Variants in CDC42BPB observed in about 807,000 individuals in gnomAD.
CDC42BPB encodes the protein CDC42 binding protein kinase beta, also known as serine/threonine-protein kinase MRCK beta.
A neutral mutation model predicts 214.9 loss-of-function variants in CDC42BPB; 37 were observed. The observed-to-expected ratio is 0.17, with a 90% CI of 0.13 to 0.23. The LOEUF (loss-of-function observed/expected upper bound fraction) is 0.23, where lower values mean the gene tolerates loss of function less well. CDC42BPB is among the 10% of genes least tolerant of loss of function. The pLI is 1.00. For missense variants in CDC42BPB, 1,694 were observed against 2,227.0 expected (o/e 0.76, Z 4.82); for synonymous variants, 931 against 884.0 (o/e 1.05, Z -0.94).
chr14:102,964,371 T>TCCTAAGGCTCCA (rs1420338012), intron 19 of CDC42BPB, 131 bp downstream of exon 19: 3 of 1,085,908 alleles, frequency 2.8e-6, no homozygotes, highest in Non-Finnish European at 3.9e-6. Context: ...ACGTGCTGCC[T>TCCTAAGGCTCCA]CCTAAGGCTC....
At chr14:102,946,946 G>T in intron 27 of CDC42BPB, 1 of 647,780 alleles carries the variant, frequency 1.5e-6, no homozygotes, top group Non-Finnish European at 1.9e-6. Context: ...AAAACTACGA[G>T]TAGCTGCCTA....
chr14:102,953,809 C>T (rs1892595682), intron 23 of CDC42BPB, among the ~76,000 whole-genome samples: 2 of 152,220 alleles, frequency 1.3e-5, no homozygotes, highest in African/African-American at 4.8e-5. Flanking sequence ...GAGTCATTCT[C>T]ACCCACCAGC....
At chr14:103,029,108 T>G (rs551835512) in intron 1 of CDC42BPB, among the ~76,000 whole-genome samples, 33 of 152,328 alleles carry the variant, frequency 2.2e-4, no homozygotes, top group African/African-American at 7.7e-4. Flanking sequence ...TATGGGAAAT[T>G]TTCTCTTATC....
At chr14:102,940,182 C>G (rs1891827556) in intron 31 of CDC42BPB, 45 bp downstream of exon 31, 2 of 1,612,984 alleles carry the variant, frequency 1.2e-6, no homozygotes, top group Non-Finnish European at 1.7e-6. Context: ...ACAGACTGCA[C>G]CGGGAGAAGC....
Position 102,944,891 on chromosome 14 carries a change from G to C in CDC42BPB, c.3812-404C>G, listed in dbSNP as rs1892081112. On this transcript the variant is annotated intron_variant, in intron 29 of 36. Transcript: ENST00000361246. The surrounding 1 kb of genome is among the most constrained non-coding windows in gnomAD (Gnocchi z 6.6). The stretch of plus-strand genomic sequence containing the variant: ...CAGAGGGCCCTCACGCTGCACATGA[G>C]GGACAAAGAGCTGTCCCCAACCCAC... Among the ~76,000 whole-genome samples the C allele has an allele frequency of 6.6e-6, 1 of 152,176 alleles. No individual in the cohort carries two copies. The highest frequency in any genetic ancestry group is 1.5e-5 in the Non-Finnish European group (1 of 68,014).
intron 11 of CDC42BPB, 45 bp from the exon 12 acceptor site, chr14:102,974,194 C>G: frequency 6.2e-7 from 1 of 1,601,772 alleles, no homozygotes; most frequent in Non-Finnish European, 8.5e-7. Flanking sequence ...TGTGCAATGA[C>G]TATATGTAAA....
At chr14:103,019,712 A>G (rs754680970) in intron 1 of CDC42BPB, among the ~76,000 whole-genome samples, 1 of 152,072 alleles carries the variant, frequency 6.6e-6, no homozygotes, top group Non-Finnish European at 1.5e-5. Flanking sequence ...TTTAGCCTTT[A>G]GACAGCTTAA....
intron 34 of CDC42BPB, among the ~76,000 whole-genome samples, 172 bp downstream of exon 34, chr14:102,939,438 G>A (rs1379830416): frequency 6.6e-6 from 1 of 152,236 alleles, no homozygotes; most frequent in African/African-American, 2.4e-5. Flanking sequence ...CAGGGTAAGT[G>A]CTCGTGAACA....
chr14:102,978,263 G>T, intron 8 of CDC42BPB, 58 bp from the exon 9 acceptor site: 1 of 1,603,628 alleles, frequency 6.2e-7, no homozygotes, highest in South Asian at 1.1e-5. Flanking sequence ...CAGGTAAAAA[G>T]AGGAAAGATG....
rs764812294 is a variant in CDC42BPB, at chr14:102,968,348, T to A, written c.2251A>T (p.Met751Leu). 1 of 1,614,078 alleles carries A rather than the reference T, an allele frequency of 6.2e-7. No homozygotes were observed. The highest frequency in any genetic ancestry group is 1.1e-5 in the South Asian group (1 of 91,032). Residue 751 changes from methionine to leucine, a missense_variant, in exon 16 of 37, where the codon ATG (methionine) becomes TTG (leucine). By Grantham distance (15) the Met-to-Leu change is conservative. Coordinates refer to ENST00000361246, the MANE Select transcript of CDC42BPB (RefSeq NM_006035.4). The stretch of plus-strand genomic sequence containing the variant: ...TTTATTGTACCTACTGCCTCCTCCA[T>A]CTCGTTATGCCTGCCAAGGTGAGCG... ...EKSKRERHNE[M>L]EEAVGTIKDK...
chr14:102,976,087 A>G (rs747028352), intron 9 of CDC42BPB, 38 bp from the exon 10 acceptor site: 3 of 1,598,472 alleles, frequency 1.9e-6, no homozygotes, highest in Non-Finnish European at 2.6e-6. Context: ...GATCTACTGA[A>G]AATTTAGCGA....
chr14:102,951,136 G>A (rs34840670), intron 24 of CDC42BPB, among the ~76,000 whole-genome samples: 85 of 152,360 alleles, frequency 5.6e-4, no homozygotes, highest in African/African-American at 1.9e-3. Context: ...CATGGCAGAA[G>A]CCTGCTTCCA....
chr14:103,035,513 C>T (rs1426399251), intron 1 of CDC42BPB, among the ~76,000 whole-genome samples: 1 of 151,666 alleles, frequency 6.6e-6, no homozygotes, highest in Non-Finnish European at 1.5e-5. Context: ...GCCTGGGCAA[C>T]ATAGTAAGAC....
At chr14:103,055,661 C>T (rs991348828) in intron 1 of CDC42BPB, among the ~76,000 whole-genome samples, 1 of 152,252 alleles carries the variant, frequency 6.6e-6, no homozygotes, top group Non-Finnish European at 1.5e-5. Flanking sequence ...TCTACTGCTG[C>T]TCTCACAAGA....
intron 1 of CDC42BPB, among the ~76,000 whole-genome samples, chr14:103,052,219 A>C (rs1367628582): frequency 6.6e-6 from 1 of 152,242 alleles, no homozygotes; most frequent in Non-Finnish European, 1.5e-5. Flanking sequence ...AGTCAGTATC[A>C]AACAGCTACC....
intron 1 of CDC42BPB, among the ~76,000 whole-genome samples, chr14:103,031,490 A>T (rs1049987470): frequency 1.3e-5 from 2 of 152,236 alleles, no homozygotes; most frequent in Non-Finnish European, 2.9e-5. Context: ...TCCTTTCACA[A>T]GCTACAAGAG....
At chr14:103,054,189 G>A (rs1267970985) in intron 1 of CDC42BPB, among the ~76,000 whole-genome samples, 1 of 152,118 alleles carries the variant, frequency 6.6e-6, no homozygotes, top group Non-Finnish European at 1.5e-5. Flanking sequence ...AACTTAAAAA[G>A]TTTACTACCT....
At chr14:103,030,725 C>A (rs999858048) in intron 1 of CDC42BPB, among the ~76,000 whole-genome samples, 5 of 151,406 alleles carry the variant, frequency 3.3e-5, no homozygotes, top group Non-Finnish European at 7.4e-5. Flanking sequence ...TGGCTCACAC[C>A]TATAATCCCA....
intron 1 of CDC42BPB, among the ~76,000 whole-genome samples, chr14:103,040,215 C>T (rs1158700537): frequency 1.3e-5 from 2 of 151,948 alleles, no homozygotes; most frequent in Non-Finnish European, 2.9e-5. Flanking sequence ...ATTAGCCAGG[C>T]GTCGTGGCGG....
Sources: allele counts gnomAD v4.1 joint callset (sites outside exome capture counted in the v4.1 genomes callset), GRCh38; gene constraint gnomAD v4.1.1; non-coding constraint Gnocchi (gnomAD v3.1); transcripts MANE v1.5; gene names NCBI Gene and HGNC (gene_info 2026-07-23, HGNC 2026-07-21).